Variants in CLEC11A observed in about 807,000 individuals in gnomAD.
CLEC11A encodes the protein C-type lectin domain containing 11A.
CLEC11A carries 35 observed loss-of-function variants against 33.9 expected under a neutral mutation model. That is an observed-to-expected ratio of 1.03 (90% CI 0.79 to 1.37). CLEC11A has a LOEUF of 1.37. CLEC11A is among the 40% of genes most tolerant of loss of function. The pLI is 0.00. For synonymous variants in CLEC11A, 220 were observed against 202.2 expected, an observed-to-expected ratio of 1.09 and a Z score of -0.75; for missense variants, 519 against 455.5, an observed-to-expected ratio of 1.14 and a Z score of -1.27.
rs894095072 is a variant in CLEC11A at position 50,723,739 on chromosome 19, T to C, written c.147+67T>C. ...GGGTCTGGGAGGGGGTATTGCAAGG[T>C]TAGGGAAATGGACAATGAGGAGCGA... On this transcript the variant is annotated intron_variant, in intron 1 of 3. Transcript: ENST00000250340. The surrounding 1 kb of genome is among the most constrained non-coding windows in gnomAD (Gnocchi z 4.1). The C allele has an allele frequency of 6.5e-7, 1 of 1,531,454 alleles. No homozygotes were observed. The highest frequency in any genetic ancestry group is 1.4e-5 in the African/African-American group (1 of 71,880). The allele number at this position is 1,531,454 out of a possible 1,614,324, so 94.9% of individuals were successfully genotyped here.
chr19:50,723,905 C>A lies in CLEC11A; in HGVS notation c.148C>A (p.His50Asn). Residue 50 changes from histidine (H) to asparagine (N), a missense_variant and splice_region_variant, in exon 2 of 4, where the codon CAT becomes AAT. Transcript: ENST00000250340. This position sits in a 1 kb window ranked among gnomAD's most constrained non-coding sequence, Gnocchi z 4.1. ...EREREALMLK[H>N]LQEALGLPAG... ...GCTCACCACCCCTCCCCTGCCCCAG[C>A]ATCTGCAGGAAGCCCTAGGACTGCC... 6.2e-7 allele frequency: 1 copy of A among 1,605,930 alleles called. No homozygotes were observed. The highest frequency in any genetic ancestry group is 2.2e-5 in the East Asian group (1 of 44,752).
At position 50,724,390 on chromosome 19, in the gene CLEC11A, T is replaced by G. The variant is rs1310416115; in HGVS notation, c.335-20T>G. On this transcript the variant is annotated intron_variant, in intron 2 of 3. Coordinates refer to ENST00000250340, the MANE Select transcript of CLEC11A (RefSeq NM_002975.3). The surrounding 1 kb of genome is among the most constrained non-coding windows in gnomAD (Gnocchi z 4.1). ...GCATCTCCAGGCTCCCCCTCCAGCA[T>G]GATCCCTGTCTGTCCGCAGTGGGCC... 3 of 1,442,624 alleles carry G rather than the reference T, an allele frequency of 2.1e-6. No individual in the cohort carries two copies. The highest frequency in any genetic ancestry group is 2.7e-6 in the Non-Finnish European group (3 of 1,098,398). 89.4% of individuals were successfully genotyped at this position (1,442,624 alleles called of 1,614,324 possible). A position where few individuals can be genotyped will look rare whatever the true frequency, so the allele number is the denominator to read the frequency against.
In CLEC11A at chr19:50,725,425, C is replaced by T. The variant is rs2089180191; in HGVS notation, c.930C>T (p.Asp310=). 2 of 1,610,476 alleles carry T rather than the reference C, an allele frequency of 1.2e-6. No individual in the cohort carries two copies. Among genetic ancestry groups the T allele is most frequent in the African/African-American group, 1.3e-5 (1 of 74,882 alleles). Reference sequence around the variant, plus strand: ...ACGACGGCTCCTGGTGGGACCACGACTGCCAGCGGCGTCTCTACTACGTCT... The same window carrying T: ...ACGACGGCTCCTGGTGGGACCACGATTGCCAGCGGCGTCTCTACTACGTCT... ...ASDDGSWWDH[D]CQRRLYYVCE... is the part of the protein sequence containing the mutation. Residue 310 remains aspartate (D), a synonymous_variant, in exon 4 of 4, where the codon GAC becomes GAT. Transcript: ENST00000250340.
chr19:50,724,178 G>T lies in CLEC11A; in HGVS notation c.334+87G>T. On this transcript the variant is annotated intron_variant, in intron 2 of 3. Transcript: ENST00000250340. This position sits in a 1 kb window ranked among gnomAD's most constrained non-coding sequence, Gnocchi z 4.1. ...TGAAGGGTCGGTTCACTGCCAAGTG[G>T]CCTTTCAGTTGTCCATTGCCCAGCC... 6.3e-7 allele frequency: 1 copy of T among 1,592,010 alleles called. No individual in the cohort carries two copies. The highest frequency in any genetic ancestry group is 8.5e-7 in the Non-Finnish European group (1 of 1,171,150).
At position 50,725,401 on chromosome 19, in the gene CLEC11A, C is replaced by G. The variant is rs753340474; in HGVS notation, c.906C>G (p.Asp302Glu). The G allele has an allele frequency of 1.9e-6, 3 of 1,611,736 alleles. No individual in the cohort carries two copies. The highest frequency in any genetic ancestry group is 4.5e-5 in the East Asian group (2 of 44,834). The change falls in exon 4 of 4, where the codon GAC (aspartate) becomes GAG (glutamate). Residue 302 changes from aspartate (D) to glutamate (E), a missense_variant. By Grantham distance (45) the Asp-to-Glu change is conservative. Transcript: ENST00000250340. ...TLENCVAQAS[D>E]DGSWWDHDCQ... ...AGAACTGCGTGGCGCAGGCCTCTGACGACGGCTCCTGGTGGGACCACGACT... is the reference window on the plus strand; with the variant it reads ...AGAACTGCGTGGCGCAGGCCTCTGAGGACGGCTCCTGGTGGGACCACGACT...
rs2089160278 is a variant in CLEC11A at position 50,723,701 on chromosome 19, G to C, written c.147+29G>C. The C allele has an allele frequency of 6.5e-7, 1 of 1,546,678 alleles. No homozygotes were observed. The highest frequency in any genetic ancestry group is 1.3e-5 in the South Asian group (1 of 79,840). On this transcript the variant is annotated intron_variant, in intron 1 of 3. Transcript: ENST00000250340. This position sits in a 1 kb window ranked among gnomAD's most constrained non-coding sequence, Gnocchi z 4.1. ...AGCTCTGGAGTGTCAGGGAGCTATG[G>C]GTGGTGAACTGTGGGTCTGGGAGGG...
rs958263363 is a variant in CLEC11A at position 50,725,072 on chromosome 19, G to T, written c.577G>T (p.Asp193Tyr). 8 of 1,520,310 alleles carry T rather than the reference G, an allele frequency of 5.3e-6. No homozygotes were observed. The African/African-American group carries it at 1.1e-4, about 22-fold the overall frequency. The allele number at this position is 1,520,310 out of a possible 1,614,324, so 94.2% of individuals were successfully genotyped here. A position where few individuals can be genotyped will look rare whatever the true frequency, so the allele number is the denominator to read the frequency against. ...CCACAAGTGCTTCCTGCTCTCGCGC[G>T]ACTTCGAAGCTCAGGCGGCGGCGCA... ...LGHKCFLLSR[D>Y]FEAQAAAQAR... Residue 193 changes from aspartate to tyrosine, a missense_variant, in exon 4 of 4, where the codon GAC (aspartate) becomes TAC (tyrosine). Asp to Tyr is a radical substitution (Grantham distance 160, BLOSUM62 -3). Coordinates refer to ENST00000250340, the MANE Select transcript of CLEC11A (RefSeq NM_002975.3).
chr19:50,724,748 C>A lies in CLEC11A; in HGVS notation c.526+147C>A. The A allele has an allele frequency of 8.4e-7, 1 of 1,183,844 alleles. No homozygotes were observed. The highest frequency in any genetic ancestry group is 1.1e-6 in the Non-Finnish European group (1 of 896,102). 73.3% of individuals were successfully genotyped at this position (1,183,844 alleles called of 1,614,324 possible). On this transcript the variant is annotated intron_variant, in intron 3 of 3. Coordinates refer to ENST00000250340, the MANE Select transcript of CLEC11A (RefSeq NM_002975.3). This position sits in a 1 kb window ranked among gnomAD's most constrained non-coding sequence, Gnocchi z 4.1. ...CGGACGGGGTTAGAGAGCTGGGAGG[C>A]TGAATGCAGGGAGCGGGTGGGCACT...
Position 50,723,759 on chromosome 19 carries a change from G to T in CLEC11A, c.147+87G>T. 1 of 1,529,782 alleles carries T rather than the reference G, an allele frequency of 6.5e-7. No individual in the cohort carries two copies. 94.8% of individuals were successfully genotyped at this position (1,529,782 alleles called of 1,614,324 possible). On this transcript the variant is annotated intron_variant, in intron 1 of 3. Transcript: ENST00000250340. The surrounding 1 kb of genome is among the most constrained non-coding windows in gnomAD (Gnocchi z 4.1). ...CAAGGTTAGGGAAATGGACAATGAG[G>T]AGCGATTGGGATAGTCTCAGAGGAG...
chr19:50,725,587 C>A lies in CLEC11A; in HGVS notation c.*120C>A. The stretch of plus-strand genomic sequence containing the variant: ...CACGAATGGCAGCGTCCTCCCCGAC[C>A]CCCAGTCTGGGCGCTTCTGGGAGGG... On this transcript the variant is annotated 3_prime_UTR_variant, in exon 4 of 4. Coordinates refer to ENST00000250340, the MANE Select transcript of CLEC11A (RefSeq NM_002975.3). 5 of 1,440,524 alleles carry A rather than the reference C, an allele frequency of 3.5e-6. No homozygotes were observed. Among genetic ancestry groups the A allele is most frequent in the Non-Finnish European group, 4.6e-6 (5 of 1,093,182 alleles). 89.2% of individuals were successfully genotyped at this position (1,440,524 alleles called of 1,614,324 possible).
rs1568449451 is a variant in CLEC11A at position 50,723,377 on chromosome 19, G to A, written c.-149G>A. 2 of 764,202 alleles carry A rather than the reference G, an allele frequency of 2.6e-6. No homozygotes were observed. The highest frequency in any genetic ancestry group is 2.5e-5 in the East Asian group (1 of 39,604). 47.3% of individuals were successfully genotyped at this position (764,202 alleles called of 1,614,324 possible). Reference sequence around the variant, plus strand: ...AACGGACCGGACAGAGACGAGGAGAGGAACAGGAAGAGAGAAGCTGGGAGA... The same window carrying A: ...AACGGACCGGACAGAGACGAGGAGAAGAACAGGAAGAGAGAAGCTGGGAGA... On this transcript the variant is annotated 5_prime_UTR_variant, in exon 1 of 4. Coordinates refer to ENST00000250340, the MANE Select transcript of CLEC11A (RefSeq NM_002975.3). This position sits in a 1 kb window ranked among gnomAD's most constrained non-coding sequence, Gnocchi z 4.1.
rs1230475590 is a variant in CLEC11A, at chr19:50,723,418, G to C, written c.-108G>C. On this transcript the variant is annotated 5_prime_UTR_variant, in exon 1 of 4. Transcript: ENST00000250340. The surrounding 1 kb of genome is among the most constrained non-coding windows in gnomAD (Gnocchi z 4.1). ...AGCTGGGAGAATCGGGAACCTGGGGGCTAGTGACCTGCACACAGGGCAGGG... is the reference window on the plus strand; with the variant it reads ...AGCTGGGAGAATCGGGAACCTGGGGCCTAGTGACCTGCACACAGGGCAGGG... 4 of 1,119,198 alleles carry C rather than the reference G, an allele frequency of 3.6e-6. No homozygotes were observed. In the Admixed American group the frequency reaches 5.9e-5, roughly 17 times the overall value. 69.3% of individuals were successfully genotyped at this position (1,119,198 alleles called of 1,614,324 possible).
chr19:50,723,809 A>C lies in CLEC11A; in HGVS notation c.148-96A>C. On this transcript the variant is annotated intron_variant, in intron 1 of 3. Coordinates refer to ENST00000250340, the MANE Select transcript of CLEC11A (RefSeq NM_002975.3). The surrounding 1 kb of genome is among the most constrained non-coding windows in gnomAD (Gnocchi z 4.1). ...GTGGGAGGGTGATGGGCTCAGAGAC[A>C]GGACTCAGGCAGCAGAGAATGAGTT... 1 of 1,534,938 alleles carries C rather than the reference A, an allele frequency of 6.5e-7. No individual in the cohort carries two copies. Among genetic ancestry groups the C allele is most frequent in the Non-Finnish European group, 8.8e-7 (1 of 1,141,482 alleles).
Position 50,725,377 on chromosome 19 carries a change from G to A in CLEC11A, c.882G>A (p.Glu294=), listed in dbSNP as rs11084024. Reference sequence around the variant, plus strand: ...ACCAGCCCAACGGTGGCACGCTCGAGAACTGCGTGGCGCAGGCCTCTGACG... The same window carrying A: ...ACCAGCCCAACGGTGGCACGCTCGAAAACTGCGTGGCGCAGGCCTCTGACG... ...SPDQPNGGTL[E]NCVAQASDDG... is the part of the protein sequence containing the mutation. The change falls in exon 4 of 4, where the codon GAG becomes GAA. Residue 294 remains glutamate, a synonymous_variant. Transcript: ENST00000250340. 0.21 allele frequency: 339,715 copies of A among 1,611,374 alleles called. 37,417 individuals carry two copies. Among genetic ancestry groups the A allele is most frequent in the Non-Finnish European group, 0.23 (267,881 of 1,179,136 alleles).
Position 50,724,106 on chromosome 19 carries a change from G to A in CLEC11A, c.334+15G>A, listed in dbSNP as rs751072504. On this transcript the variant is annotated intron_variant, in intron 2 of 3. Coordinates refer to ENST00000250340, the MANE Select transcript of CLEC11A (RefSeq NM_002975.3). This position sits in a 1 kb window ranked among gnomAD's most constrained non-coding sequence, Gnocchi z 4.1. ...CACTTACATCCGTGAGTAACCAGAA[G>A]CCCTCACCCCCAAACTCCTAGGCCG... 4 of 1,610,448 alleles carry A rather than the reference G, an allele frequency of 2.5e-6. No homozygotes were observed. Among genetic ancestry groups the A allele is most frequent in the Admixed American group, 3.4e-5 (2 of 59,118 alleles).
In CLEC11A at chr19:50,723,953, C is replaced by T. The variant is rs963258000; in HGVS notation, c.196C>T (p.Pro66Ser). Residue 66 changes from proline to serine, a missense_variant, in exon 2 of 4, where the codon CCT becomes TCT. Physicochemically the swap from Pro to Ser is moderately conservative, Grantham distance 74. Coordinates refer to ENST00000250340, the MANE Select transcript of CLEC11A (RefSeq NM_002975.3). The surrounding 1 kb of genome is among the most constrained non-coding windows in gnomAD (Gnocchi z 4.1). ...GLPAGRGDEN[P>S]AGTVEGKEDW... ...GCCTGCTGGGAGGGGGGATGAGAATCCTGCCGGAACTGTTGAGGGAAAAGA... is the reference window on the plus strand; with the variant it reads ...GCCTGCTGGGAGGGGGGATGAGAATTCTGCCGGAACTGTTGAGGGAAAAGA... 5 of 1,613,482 alleles carry T rather than the reference C, an allele frequency of 3.1e-6. No homozygotes were observed. Among genetic ancestry groups the T allele is most frequent in the Non-Finnish European group, 4.2e-6 (5 of 1,179,806 alleles).
At position 50,724,421 on chromosome 19, in the gene CLEC11A, G is replaced by T; in HGVS notation, c.346G>T (p.Ala116Ser). Residue 116 changes from alanine (A) to serine (S), a missense_variant, in exon 3 of 4, where the codon GCC (alanine) becomes TCC (serine). Coordinates refer to ENST00000250340, the MANE Select transcript of CLEC11A (RefSeq NM_002975.3). This position sits in a 1 kb window ranked among gnomAD's most constrained non-coding sequence, Gnocchi z 4.1. ...CTGTCTGTCCGCAGTGGGCCGCCTG[G>T]CCGGCCTGGACGCAGGCCTGCACCA... ...DIVTYILGRLAGLDAGLHQLH... is the reference protein window; with the variant it reads ...DIVTYILGRLSGLDAGLHQLH... 6.6e-7 allele frequency: 1 copy of T among 1,513,526 alleles called. No homozygotes were observed. Among genetic ancestry groups the T allele is most frequent in the Non-Finnish European group, 8.8e-7 (1 of 1,138,282 alleles). The allele number at this position is 1,513,526 out of a possible 1,614,324, so 93.8% of individuals were successfully genotyped here. A position where few individuals can be genotyped will look rare whatever the true frequency, so the allele number is the denominator to read the frequency against.
In CLEC11A at chr19:50,724,441, G is replaced by A; in HGVS notation, c.366G>A (p.Leu122=). The A allele has an allele frequency of 1.9e-6, 3 of 1,553,662 alleles. No homozygotes were observed. The highest frequency in any genetic ancestry group is 1.2e-5 in the South Asian group (1 of 84,980). ...LGRLAGLDAG[L]HQLHVRLHAL... ...GCCTGGCCGGCCTGGACGCAGGCCT[G>A]CACCAGCTGCACGTCCGTCTGCACG... Residue 122 remains leucine (L), a synonymous_variant, in exon 3 of 4, where the codon CTG becomes CTA. Coordinates refer to ENST00000250340, the MANE Select transcript of CLEC11A (RefSeq NM_002975.3). The surrounding 1 kb of genome is among the most constrained non-coding windows in gnomAD (Gnocchi z 4.1).
chr19:50,723,533 C>T lies in CLEC11A; in HGVS notation c.8C>T (p.Ala3Val), dbSNP rs766453811. ...TGCCAAGAGTCCAGCTTAATGCAGGCAGCCTGGCTTTTGGGGGCTTTGGTG... is the reference window on the plus strand; with the variant it reads ...TGCCAAGAGTCCAGCTTAATGCAGGTAGCCTGGCTTTTGGGGGCTTTGGTG... MQ[A>V]AWLLGALVVP... is the part of the protein sequence containing the mutation. Residue 3 changes from alanine (A) to valine (V), a missense_variant, in exon 1 of 4, where the codon GCA (alanine) becomes GTA (valine). Ala to Val is a moderately conservative substitution (Grantham distance 64). Coordinates refer to ENST00000250340, the MANE Select transcript of CLEC11A (RefSeq NM_002975.3). This position sits in a 1 kb window ranked among gnomAD's most constrained non-coding sequence, Gnocchi z 4.1. 15 of 1,612,200 alleles carry T rather than the reference C, an allele frequency of 9.3e-6. No individual in the cohort carries two copies. The highest frequency in any genetic ancestry group is 9.3e-6 in the Non-Finnish European group (11 of 1,179,972).
Sources: gnomAD v4.1 joint callset for allele counts on GRCh38, gnomAD v4.1.1 for gene constraint, Gnocchi (gnomAD v3.1) non-coding constraint, MANE v1.5 for transcripts, NCBI Gene and HGNC (gene_info 2026-07-23, HGNC 2026-07-21) for gene names.